DGKG: variants seen among roughly 807,000 people sequenced by gnomAD.
The protein encoded by DGKG is diacylglycerol kinase gamma.
In DGKG, 78 loss-of-function variants were observed where a neutral mutation model predicts 105.3. The ratio of observed to expected loss-of-function variants is 0.74; its 90% CI spans 0.62 to 0.89. The LOEUF (loss-of-function observed/expected upper bound fraction) is 0.89, where lower values mean the gene tolerates loss of function less well. Among genes scored for constraint, DGKG ranks in the 40% least tolerant of loss-of-function variants. The probability of loss-of-function intolerance (pLI) is 0.00; values close to 1 mark genes in which losing one functional copy is unlikely to be tolerated. For missense variants in DGKG, 958 were observed against 1,020.1 expected (o/e 0.94, Z 0.83); for synonymous variants, 346 against 367.1 (o/e 0.94, Z 0.66).
At chr3:186,299,526 C>T (rs1004828666) in intron 3 of DGKG, among the ~76,000 whole-genome samples, 5 of 152,186 alleles carry the variant, frequency 3.3e-5, no homozygotes, top group African/African-American at 1.2e-4. Context: ...GAGGCTCTTA[C>T]CAGATTAGGG....
chr3:186,309,934 T>C (rs938967495), intron 2 of DGKG, among the ~76,000 whole-genome samples: 14 of 151,924 alleles, frequency 9.2e-5, no homozygotes, highest in African/African-American at 3.4e-4. Flanking sequence ...GAAAAGACAT[T>C]TATTTTAAAA....
At chr3:186,292,794 C>T (rs559034192) in intron 5 of DGKG, among the ~76,000 whole-genome samples, 4 of 150,912 alleles carry the variant, frequency 2.7e-5, no homozygotes, top group South Asian at 2.1e-4. Context: ...GGCAACAGAG[C>T]GAGACTCCAT....
At chr3:186,229,028 G>A (rs1298909039) in intron 20 of DGKG, among the ~76,000 whole-genome samples, 5 of 152,264 alleles carry the variant, frequency 3.3e-5, no homozygotes, top group Admixed American at 1.3e-4. Context: ...AGTGACTGAC[G>A]TCCTTATAAG....
At chr3:186,150,240 T>C (rs1715693401) in intron 24 of DGKG, 52 bp from the exon 25 acceptor site, 2 of 1,565,928 alleles carry the variant, frequency 1.3e-6, no homozygotes, top group Non-Finnish European at 1.7e-6. Flanking sequence ...CTCAGTAGCC[T>C]AAGGGAGAGT....
intron 1 of DGKG, among the ~76,000 whole-genome samples, chr3:186,345,129 A>G (rs1726268172): frequency 6.6e-6 from 1 of 152,094 alleles, no homozygotes. Context: ...TTGATTCTTC[A>G]CTTATAGAAA....
chr3:186,235,606 A>C (rs1367966592), intron 20 of DGKG, among the ~76,000 whole-genome samples: 1 of 152,224 alleles, frequency 6.6e-6, no homozygotes, highest in Non-Finnish European at 1.5e-5. Flanking sequence ...ATAAGAAGAA[A>C]ATCTTATGTA....
At chr3:186,299,806 TTTC>T (rs1723799875) in intron 3 of DGKG, among the ~76,000 whole-genome samples, 1 of 99,952 alleles carries the variant, frequency 1.0e-5, no homozygotes, top group Non-Finnish European at 2.1e-5. Context: ...TCTTTCTTTC[TTTC>T]TTTCTTTCTT....
intron 21 of DGKG, among the ~76,000 whole-genome samples, chr3:186,200,682 C>T (rs1381121161): frequency 1.3e-5 from 2 of 152,190 alleles, no homozygotes; most frequent in Admixed American, 1.3e-4. Context: ...CTAGCCTTGT[C>T]CGCCCTGGTG....
chr3:186,222,641 G>A (rs1719642637), intron 20 of DGKG, among the ~76,000 whole-genome samples: 1 of 151,124 alleles, frequency 6.6e-6, no homozygotes, highest in Non-Finnish European at 1.5e-5. Flanking sequence ...TCAGGAGTTT[G>A]AGACCAGCCT....
chr3:186,333,848 G>A (rs1170831695), intron 1 of DGKG, among the ~76,000 whole-genome samples: 1 of 152,076 alleles, frequency 6.6e-6, no homozygotes, highest in Non-Finnish European at 1.5e-5. Context: ...TAGCGGCGTG[G>A]TATGTACGTG....
chr3:186,292,393 G>A (rs766913007), intron 5 of DGKG, among the ~76,000 whole-genome samples: 9 of 152,186 alleles, frequency 5.9e-5, no homozygotes, highest in Non-Finnish European at 1.0e-4. Flanking sequence ...CTCAACCTCA[G>A]TTTTCTCATC....
At position 186,226,857 on chromosome 3, in the gene DGKG, TC is replaced by T. The variant is rs781745632; in HGVS notation, c.1827-14973del. ...CATGAATATTCAGCAATTACGTAAT[TC>T]CCTGCTGTGTTAGTAATTTGAGGGT... is the stretch of plus-strand genomic sequence containing the variant. On this transcript the variant is annotated intron_variant, in intron 20 of 24. Coordinates refer to ENST00000265022, the MANE Select transcript of DGKG (RefSeq NM_001346.3). This position sits in a 1 kb window ranked among gnomAD's most constrained non-coding sequence, Gnocchi z 4.2. Among the ~76,000 whole-genome samples, 8 of 152,254 alleles carry T rather than the reference TC, an allele frequency of 5.3e-5. No individual in the cohort carries two copies. Among genetic ancestry groups the T allele is most frequent in the Non-Finnish European group, 1.2e-4 (8 of 68,006 alleles).
At chr3:186,345,380 A>G (rs1726280665) in intron 1 of DGKG, among the ~76,000 whole-genome samples, 1 of 152,168 alleles carries the variant, frequency 6.6e-6, no homozygotes, top group Non-Finnish European at 1.5e-5. Flanking sequence ...ACTTATGTTA[A>G]TTGTTATAAC....
intron 21 of DGKG, among the ~76,000 whole-genome samples, chr3:186,204,764 A>T (rs1246427870): frequency 1.3e-5 from 2 of 151,664 alleles, no homozygotes; most frequent in Non-Finnish European, 2.9e-5. Context: ...TGTGCGAGAA[A>T]CTCTCTAGAT....
At chr3:186,177,076 T>C (rs1390140493) in intron 22 of DGKG, among the ~76,000 whole-genome samples, 2 of 152,236 alleles carry the variant, frequency 1.3e-5, no homozygotes, top group Non-Finnish European at 2.9e-5. Context: ...CTTTGGGTTG[T>C]TGACTCTCAA....
At chr3:186,191,575 A>G (rs1288065106) in intron 21 of DGKG, among the ~76,000 whole-genome samples, 1 of 152,112 alleles carries the variant, frequency 6.6e-6, no homozygotes, top group Admixed American at 6.6e-5. Flanking sequence ...CTTTTCTTCC[A>G]TTTTTAGTTT....
chr3:186,285,679 C>CTTTTT (rs34275225), intron 6 of DGKG, among the ~76,000 whole-genome samples: 17 of 133,210 alleles, frequency 1.3e-4, no homozygotes, highest in Non-Finnish European at 2.4e-4. Flanking sequence ...TTCTTTCTTT[C>CTTTTT]TTTTTTTTTT....
At chr3:186,289,741 T>C (rs1006830981) in intron 5 of DGKG, among the ~76,000 whole-genome samples, 2 of 152,062 alleles carry the variant, frequency 1.3e-5, no homozygotes, top group Admixed American at 6.5e-5. Flanking sequence ...CAGTGGAAAA[T>C]CCAATGTTTT....
At chr3:186,220,264 A>AT (rs750064394) in intron 20 of DGKG, among the ~76,000 whole-genome samples, 1 of 152,224 alleles carries the variant, frequency 6.6e-6, no homozygotes, top group East Asian at 1.9e-4. Context: ...CAGTGGGAGA[A>AT]TGAATAAAAA....
Sources: gnomAD v4.1 joint callset for allele counts (sites outside exome capture counted in the v4.1 genomes callset) on GRCh38, gnomAD v4.1.1 for gene constraint, Gnocchi (gnomAD v3.1) non-coding constraint, MANE v1.5 for transcripts, NCBI Gene and HGNC (gene_info 2026-07-23, HGNC 2026-07-21) for gene names.